The following EVA1C variants were observed in gnomAD, a reference collection of about 807,000 sequenced individuals.
The protein encoded by EVA1C is protein eva-1 homolog C.
EVA1C carries 25 observed loss-of-function variants against 45.4 expected under a neutral mutation model. That is an observed-to-expected ratio of 0.55 (90% CI 0.40 to 0.77). EVA1C has a LOEUF of 0.77. Ranked by LOEUF, EVA1C falls within the 30% of genes least tolerant of loss-of-function variation. EVA1C has a pLI of 0.00. For missense variants in EVA1C, 479 were observed against 554.8 expected (o/e 0.86, Z 1.37); for synonymous variants, 190 against 221.2 (o/e 0.86, Z 1.25).
chr21:32,490,723 CCTT>C (rs1601407020), intron 4 of EVA1C, among the ~76,000 whole-genome samples: 1 of 152,298 alleles, frequency 6.6e-6, no homozygotes, highest in Middle Eastern at 3.4e-3. Context: ...ATTTTAGTCT[CCTT>C]CTTGAATCTC....
intron 3 of EVA1C, among the ~76,000 whole-genome samples, chr21:32,458,481 ACT>A (rs2035871765): frequency 3.5e-5 from 5 of 141,128 alleles, no homozygotes; most frequent in Admixed American, 7.1e-5. Flanking sequence ...GAAGTTAAGC[ACT>A]TTTTTTTTTT....
chr21:32,507,403 TG>T (rs2037756773), intron 7 of EVA1C, among the ~76,000 whole-genome samples: 2 of 113,756 alleles, frequency 1.8e-5, no homozygotes. Flanking sequence ...TCTGTGAGCA[TG>T]TGCATGTGTG....
rs371601898 is a variant in EVA1C at position 32,500,690 on chromosome 21, T to C, written c.779-725T>C. Among the ~76,000 whole-genome samples the C allele has an allele frequency of 4.5e-4, 68 of 151,224 alleles. No homozygotes were observed. In the South Asian group the frequency reaches 0.014, roughly 32 times the overall value. Reference sequence around the variant, plus strand: ...TGTCTCTAGATTTGCCTTTTCTGAATATTTTGTACAAATGGAATTATGCAA... The same window carrying C: ...TGTCTCTAGATTTGCCTTTTCTGAACATTTTGTACAAATGGAATTATGCAA... On this transcript the variant is annotated intron_variant, in intron 5 of 7. Coordinates refer to ENST00000300255, the MANE Select transcript of EVA1C (RefSeq NM_058187.5).
rs143056111 is a variant in EVA1C at position 32,486,679 on chromosome 21, C to A, written c.635-8348C>A. Among the ~76,000 whole-genome samples, 7 of 152,244 alleles carry A rather than the reference C, an allele frequency of 4.6e-5. No homozygotes were observed. The South Asian group carries it at 1.2e-3, about 27-fold the overall frequency. ...AATAGTCCATTTTTACCTTTAAATTCTTTAATATATTTGACATACTCAAAA... is the reference window on the plus strand; with the variant it reads ...AATAGTCCATTTTTACCTTTAAATTATTTAATATATTTGACATACTCAAAA... On this transcript the variant is annotated intron_variant, in intron 4 of 7. Coordinates refer to ENST00000300255, the MANE Select transcript of EVA1C (RefSeq NM_058187.5).
chr21:32,428,647 T>C (rs908975331), intron 1 of EVA1C: 1 of 152,240 alleles, frequency 6.6e-6, no homozygotes, highest in Non-Finnish European at 1.5e-5. Context: ...TCTCCACTAT[T>C]TGTCTTCATT....
At chr21:32,431,598 A>G (rs974271357) in intron 1 of EVA1C, among the ~76,000 whole-genome samples, 6 of 152,236 alleles carry the variant, frequency 3.9e-5, no homozygotes, top group African/African-American at 1.4e-4. Flanking sequence ...GCCAAGGTTG[A>G]CACCTGCAGA....
intron 4 of EVA1C, among the ~76,000 whole-genome samples, chr21:32,469,556 A>T (rs907980513): frequency 1.3e-5 from 2 of 152,222 alleles, no homozygotes; most frequent in African/African-American, 2.4e-5. Context: ...ATTCAGAGAA[A>T]CAGAACCGAT....
intron 1 of EVA1C, among the ~76,000 whole-genome samples, chr21:32,440,759 G>C (rs1381623925): frequency 6.6e-6 from 1 of 152,092 alleles, no homozygotes; most frequent in Non-Finnish European, 1.5e-5. Flanking sequence ...ATTCACTTTT[G>C]ATCTGCTCTT....
At chr21:32,416,821 G>A (rs1026293475) in intron 1 of EVA1C, among the ~76,000 whole-genome samples, 3 of 152,174 alleles carry the variant, frequency 2.0e-5, no homozygotes, top group Admixed American at 1.3e-4. Flanking sequence ...ATTTGATTTT[G>A]TCCTAGGGCA....
At chr21:32,448,772 G>A (rs1374728433) in intron 1 of EVA1C, among the ~76,000 whole-genome samples, 1 of 151,962 alleles carries the variant, frequency 6.6e-6, no homozygotes, top group African/African-American at 2.4e-5. Flanking sequence ...AGCCAGGCGT[G>A]GTGGTGCATG....
intron 1 of EVA1C, among the ~76,000 whole-genome samples, chr21:32,437,783 T>A (rs1216608666): frequency 6.6e-6 from 1 of 152,152 alleles, no homozygotes; most frequent in African/African-American, 2.4e-5. Context: ...TCTCTCCCAG[T>A]GTTCATCTCG....
intron 7 of EVA1C, among the ~76,000 whole-genome samples, chr21:32,508,379 G>A (rs1205227189): frequency 6.6e-6 from 1 of 152,228 alleles, no homozygotes; most frequent in Non-Finnish European, 1.5e-5. Flanking sequence ...CTGGGCAGAA[G>A]GGACAGGCTT....
chr21:32,477,372 G>T (rs970724551), intron 4 of EVA1C, among the ~76,000 whole-genome samples: 1 of 152,060 alleles, frequency 6.6e-6, no homozygotes, highest in African/African-American at 2.4e-5. Flanking sequence ...ATGTGAATTC[G>T]TTTTCTAGTA....
At chr21:32,472,562 G>A (rs2036414841) in intron 4 of EVA1C, among the ~76,000 whole-genome samples, 1 of 152,054 alleles carries the variant, frequency 6.6e-6, no homozygotes, top group African/African-American at 2.4e-5. Context: ...CTTGAGGCCT[G>A]GAGTTTGAGG....
intron 4 of EVA1C, chr21:32,493,770 T>TTTTATTTATTTATTTA (rs3056333): frequency 2.8e-5 from 4 of 145,040 alleles, no homozygotes; most frequent in African/African-American, 7.6e-5. Context: ...AAGGTAGGCT[T>TTTTATTTATTTATTTA]TTTATTTATT....
chr21:32,452,572 AC>A lies in EVA1C; in HGVS notation c.161-737del, dbSNP rs1483159665. On this transcript the variant is annotated intron_variant, in intron 1 of 7. Coordinates refer to ENST00000300255, the MANE Select transcript of EVA1C (RefSeq NM_058187.5). This position sits in a 1 kb window ranked among gnomAD's most constrained non-coding sequence, Gnocchi z 4.0. ...GGCTTGTGTTAATCAGCTCAATTAG[AC>A]CCTCTGCCTTATCACAAAGACAGAT... 6.6e-6 allele frequency: 1 copy of A among 152,072 alleles called. No homozygotes were observed. The highest frequency in any genetic ancestry group is 1.5e-5 in the Non-Finnish European group (1 of 68,048). 9.4% of individuals were successfully genotyped at this position (152,072 alleles called of 1,614,324 possible). A position where few individuals can be genotyped will look rare whatever the true frequency, so the allele number is the denominator to read the frequency against.
At chr21:32,473,989 T>A in intron 4 of EVA1C, 1 of 978,630 alleles carries the variant, frequency 1.0e-6, no homozygotes, top group South Asian at 4.7e-5. Context: ...AGTGAAGTAT[T>A]CATCATAGCT....
chr21:32,497,123 C>T (rs1225460834), intron 5 of EVA1C: 4 of 829,736 alleles, frequency 4.8e-6, no homozygotes, highest in Non-Finnish European at 8.5e-6. Flanking sequence ...GCTGTTAGCT[C>T]CAGATCATGA....
intron 3 of EVA1C, among the ~76,000 whole-genome samples, chr21:32,465,015 G>T (rs977222762): frequency 6.6e-6 from 1 of 152,138 alleles, no homozygotes; most frequent in African/African-American, 2.4e-5. Context: ...GGTAGGAAAA[G>T]ATTTTCACTT....
Sources: allele counts gnomAD v4.1 joint callset (sites outside exome capture counted in the v4.1 genomes callset), GRCh38; gene constraint gnomAD v4.1.1; non-coding constraint Gnocchi (gnomAD v3.1); transcripts MANE v1.5; gene names NCBI Gene and HGNC (gene_info 2026-07-23, HGNC 2026-07-21).